The following KLHL6 variants were observed in gnomAD, a reference collection of about 807,000 sequenced individuals.
KLHL6 encodes kelch like family member 6, also known as kelch-like protein 6.
Under a neutral mutation model 58.6 loss-of-function variants are expected in KLHL6, and 41 were observed. The observed-to-expected ratio is 0.70, with a 90% confidence interval of 0.55 to 0.91. The LOEUF is 0.91. Ranked by LOEUF, KLHL6 falls within the 40% of genes least tolerant of loss-of-function variation. The pLI is 0.00. For missense variants in KLHL6, 714 were observed against 805.6 expected, an observed-to-expected ratio of 0.89 and a Z score of 1.38; for synonymous variants, 338 against 322.7, an observed-to-expected ratio of 1.05 and a Z score of -0.51.
chr3:183,501,638 C>A (rs1436301263), intron 3 of KLHL6, among the ~76,000 whole-genome samples: 1 of 152,172 alleles, frequency 6.6e-6, no homozygotes, highest in East Asian at 1.9e-4. Context: ...CACCTCGTTC[C>A]TTGGTCCTGA....
At chr3:183,549,880 T>A (rs1577206302) in intron 1 of KLHL6, among the ~76,000 whole-genome samples, 1 of 151,962 alleles carries the variant, frequency 6.6e-6, no homozygotes, top group South Asian at 2.1e-4. Flanking sequence ...TTTGAAACTA[T>A]CTGGGCAACA....
rs149230580 is a variant in KLHL6 at position 183,492,615 on chromosome 3, C to T, written c.1443G>A (p.Leu481=). ...CATAACACTGAGTCTTGTCTGTGGCCAGTTTCCCATTGGGCCCTCCCCCGA... is the reference window on the plus strand; with the variant it reads ...CATAACACTGAGTCTTGTCTGTGGCTAGTTTCCCATTGGGCCCTCCCCCGA... ...YVIGGGPNGK[L]ATDKTQCYDP... is the part of the protein sequence containing the mutation. The change falls in exon 6 of 7, where the codon CTG becomes CTA. Residue 481 remains leucine (L), a synonymous_variant. Coordinates refer to ENST00000341319, the MANE Select transcript of KLHL6 (RefSeq NM_130446.4). This position sits in a 1 kb window ranked among gnomAD's most constrained non-coding sequence, Gnocchi z 5.9. 6.2e-7 allele frequency: 1 copy of T among 1,614,188 alleles called. No individual in the cohort carries two copies. The highest frequency in any genetic ancestry group is 8.5e-7 in the Non-Finnish European group (1 of 1,180,032).
chr3:183,530,474 A>G (rs1192083952), intron 1 of KLHL6, among the ~76,000 whole-genome samples: 1 of 152,176 alleles, frequency 6.6e-6, no homozygotes, highest in Non-Finnish European at 1.5e-5. Context: ...TTAGCTGCGG[A>G]TACGTCTGAG....
At chr3:183,550,179 C>G (rs971196393) in intron 1 of KLHL6, among the ~76,000 whole-genome samples, 1 of 152,060 alleles carries the variant, frequency 6.6e-6, no homozygotes, top group Non-Finnish European at 1.5e-5. Context: ...TGAGAAAAAT[C>G]TTCCAGAAAG....
Position 183,490,224 on chromosome 3 carries a change from T to G in KLHL6, c.*1703A>C, listed in dbSNP as rs1366630344. Reference sequence around the variant, plus strand: ...CAAGTAGAAGTGCTTTTTAAAAGTCTTGAAAACGAAGGCTTCAGGAGGATG... The same window carrying G: ...CAAGTAGAAGTGCTTTTTAAAAGTCGTGAAAACGAAGGCTTCAGGAGGATG... On this transcript the variant is annotated 3_prime_UTR_variant, in exon 7 of 7. Transcript: ENST00000341319. 6.6e-6 allele frequency: 1 copy of G among 152,174 alleles called. No homozygotes were observed. The highest frequency in any genetic ancestry group is 1.5e-5 in the Non-Finnish European group (1 of 68,048). The allele number at this position is 152,174 out of a possible 1,614,324, so 9.4% of individuals were successfully genotyped here.
chr3:183,492,036 A>G lies in KLHL6; in HGVS notation c.1757T>C (p.Leu586Pro). Residue 586 changes from leucine (L) to proline (P), a missense_variant, in exon 7 of 7, where the codon CTG becomes CCG. Physicochemically the swap from Leu to Pro is moderately conservative, Grantham distance 98. Around this residue, in one of 2 missense-constraint regions of KLHL6, gnomAD observed 510 missense variants for 629.7 expected, o/e 0.81. Coordinates refer to ENST00000341319, the MANE Select transcript of KLHL6 (RefSeq NM_130446.4). The surrounding 1 kb of genome is among the most constrained non-coding windows in gnomAD (Gnocchi z 5.9). Reference sequence around the variant, plus strand: ...CCGGGGCAGGACGCACTCCTCTGTCAGTTTCTGGGCCTCGGGGTCCCAGCA... The same window carrying G: ...CCGGGGCAGGACGCACTCCTCTGTCGGTTTCTGGGCCTCGGGGTCCCAGCA... ...VLCWDPEAQKLTEECVLPRGV... is the reference protein window; with the variant it reads ...VLCWDPEAQKPTEECVLPRGV... The G allele has an allele frequency of 6.2e-7, 1 of 1,613,730 alleles. No homozygotes were observed.
intron 1 of KLHL6, among the ~76,000 whole-genome samples, chr3:183,550,269 C>T (rs1280258704): frequency 6.6e-6 from 1 of 152,118 alleles, no homozygotes; most frequent in Non-Finnish European, 1.5e-5. Flanking sequence ...TCCACATCTA[C>T]TGAATAAGTG....
intron 2 of KLHL6, among the ~76,000 whole-genome samples, chr3:183,511,231 T>G (rs1577184597): frequency 6.6e-6 from 1 of 152,240 alleles, no homozygotes; most frequent in African/African-American, 2.4e-5. Context: ...GGGGAGGTAC[T>G]ATGCCTGGAC....
chr3:183,506,972 T>C (rs1248732859), intron 3 of KLHL6, among the ~76,000 whole-genome samples: 1 of 152,094 alleles, frequency 6.6e-6, no homozygotes, highest in Non-Finnish European at 1.5e-5. Flanking sequence ...TGAACAACAT[T>C]CAGATTGACC....
intron 1 of KLHL6, among the ~76,000 whole-genome samples, chr3:183,539,216 C>G (rs1349472111): frequency 1.3e-5 from 2 of 152,148 alleles, no homozygotes; most frequent in Non-Finnish European, 2.9e-5. Context: ...AGATATGTTT[C>G]GGAAAGTCCT....
chr3:183,535,343 G>T (rs1712330799), intron 1 of KLHL6, among the ~76,000 whole-genome samples: 1 of 152,204 alleles, frequency 6.6e-6, no homozygotes, highest in African/African-American at 2.4e-5. Flanking sequence ...AGACAGTGCA[G>T]CTCTTGCCAT....
At position 183,490,049 on chromosome 3, in the gene KLHL6, T is replaced by C. The variant is rs549090137; in HGVS notation, c.*1878A>G. The C allele has an allele frequency of 2.0e-5, 3 of 152,202 alleles. No individual in the cohort carries two copies. The highest frequency in any genetic ancestry group is 4.4e-5 in the Non-Finnish European group (3 of 68,028). 9.4% of individuals were successfully genotyped at this position (152,202 alleles called of 1,614,324 possible). A position where few individuals can be genotyped will look rare whatever the true frequency, so the allele number is the denominator to read the frequency against. On this transcript the variant is annotated 3_prime_UTR_variant, in exon 7 of 7. Coordinates refer to ENST00000341319, the MANE Select transcript of KLHL6 (RefSeq NM_130446.4). ...GTTGTTATCATTGTTGCTTTTTAAA[T>C]ACAGCATATGAAACAGGATCTCTTA... is the stretch of plus-strand genomic sequence containing the variant.
intron 1 of KLHL6, among the ~76,000 whole-genome samples, chr3:183,528,902 GC>G (rs773389154): frequency 2.1e-4 from 32 of 152,184 alleles, no homozygotes; most frequent in Non-Finnish European, 4.4e-4. Context: ...CAACCCAAAT[GC>G]CCACCAGTGA....
rs758249561 is a variant in KLHL6, at chr3:183,494,218, A to G, written c.1211T>C (p.Ile404Thr). Residue 404 changes from isoleucine to threonine, a missense_variant, in exon 5 of 7, where the codon ATT becomes ACT. Coordinates refer to ENST00000341319, the MANE Select transcript of KLHL6 (RefSeq NM_130446.4). ...CCAGCGGCCTATGTTTAAATACTCA[A>G]TCTGAATCCACTTGTTGATCGAAGA... ...YNSSINKWIQIEYLNIGRWRH... is the reference protein window; with the variant it reads ...YNSSINKWIQTEYLNIGRWRH... 6 of 1,613,924 alleles carry G rather than the reference A, an allele frequency of 3.7e-6. No homozygotes were observed. Among genetic ancestry groups the G allele is most frequent in the South Asian group, 1.1e-5 (1 of 91,088 alleles).
Position 183,492,559 on chromosome 3 carries a change from G to T in KLHL6, c.1499C>A (p.Ala500Glu). 2 of 1,614,200 alleles carry T rather than the reference G, an allele frequency of 1.2e-6. No individual in the cohort carries two copies. The highest frequency in any genetic ancestry group is 1.7e-6 in the Non-Finnish European group (2 of 1,180,048). The change falls in exon 6 of 7, where the codon GCG (alanine) becomes GAG (glutamate). Residue 500 changes from alanine to glutamate, a missense_variant. Around this residue, in one of 2 missense-constraint regions of KLHL6, gnomAD observed 510 missense variants for 629.7 expected, o/e 0.81. Transcript: ENST00000341319. The surrounding 1 kb of genome is among the most constrained non-coding windows in gnomAD (Gnocchi z 5.9). Reference protein sequence around the residue: ...DPSTNKWSLKAAMPVEAKCIN... With the variant: ...DPSTNKWSLKEAMPVEAKCIN... ...GCATTTAGCCTCCACGGGCATGGCC[G>T]CCTTCAAACTCCACTTGTTGGTGGA...
chr3:183,515,236 T>C (rs1711521929), intron 2 of KLHL6, among the ~76,000 whole-genome samples: 1 of 152,138 alleles, frequency 6.6e-6, no homozygotes. Context: ...CCTCTGGACA[T>C]TTAAAATTCT....
At chr3:183,511,387 G>A (rs1001735906) in intron 2 of KLHL6, among the ~76,000 whole-genome samples, 2 of 152,186 alleles carry the variant, frequency 1.3e-5, no homozygotes, top group Admixed American at 6.5e-5. Flanking sequence ...ATGTACAATC[G>A]GGTTTTATAC....
chr3:183,509,828 A>C (rs1216160369), intron 2 of KLHL6, among the ~76,000 whole-genome samples: 1 of 152,248 alleles, frequency 6.6e-6, no homozygotes, highest in Non-Finnish European at 1.5e-5. Context: ...CATGGGATGG[A>C]CAGGGAATAT....
chr3:183,508,831 C>G (rs1216066376), intron 2 of KLHL6, among the ~76,000 whole-genome samples: 7 of 152,162 alleles, frequency 4.6e-5, no homozygotes, highest in Admixed American at 2.0e-4. Context: ...ACATATAATT[C>G]ATTCATACAG....
Sources: gnomAD v4.1 joint callset for allele counts (sites outside exome capture counted in the v4.1 genomes callset) on GRCh38, gnomAD v4.1.1 for gene constraint, gnomAD v4.1.1 regional missense constraint, Gnocchi (gnomAD v3.1) non-coding constraint, MANE v1.5 for transcripts, NCBI Gene and HGNC (gene_info 2026-07-23, HGNC 2026-07-21) for gene names.